Variants in ARMC10 observed in about 807,000 individuals in gnomAD.
ARMC10 encodes the protein armadillo repeat-containing protein 10.
Under a neutral mutation model 30.2 loss-of-function variants are expected in ARMC10, and 23 were observed. The ratio of observed to expected loss-of-function variants is 0.76; its 90% CI spans 0.55 to 1.08. The LOEUF is 1.08. Ranked by LOEUF, ARMC10 falls within the 50% of genes least tolerant of loss-of-function variation. The pLI is 0.00. For missense variants in ARMC10, 303 were observed against 413.7 expected (o/e 0.73, Z 2.32); for synonymous variants, 111 against 164.4 (o/e 0.68, Z 2.48).
intron 5 of ARMC10, 190 bp from the exon 6 acceptor site, chr7:103,097,087 T>C (rs1301464932): frequency 8.3e-6 from 5 of 604,500 alleles, no homozygotes; most frequent in African/African-American, 1.9e-5. Flanking sequence ...CTGCCAAGTG[T>C]TATAAGAGTT....
intron 5 of ARMC10, among the ~76,000 whole-genome samples, chr7:103,094,216 ATAACT>A (rs138234522): frequency 0.054 from 8,149 of 152,274 alleles, 296 homozygotes; most frequent in South Asian, 0.13. Context: ...CCACTGATTG[ATAACT>A]TAATGCAGAT....
intron 2 of ARMC10, among the ~76,000 whole-genome samples, chr7:103,078,560 A>T (rs1432251560): frequency 6.6e-6 from 1 of 152,198 alleles, no homozygotes; most frequent in African/African-American, 2.4e-5. Context: ...TCTTTCCTTT[A>T]TAAATTACCC....
intron 2 of ARMC10, among the ~76,000 whole-genome samples, chr7:103,077,060 A>T (rs1323138878): frequency 6.6e-6 from 1 of 151,942 alleles, no homozygotes; most frequent in Non-Finnish European, 1.5e-5. Context: ...ACACCTGGCT[A>T]ATTTTTCCAA....
chr7:103,095,264 T>C (rs1349591556), intron 5 of ARMC10, among the ~76,000 whole-genome samples: 1 of 152,184 alleles, frequency 6.6e-6, no homozygotes, highest in African/African-American at 2.4e-5. Context: ...TGGCTGATTT[T>C]TGTATTTTTG....
At chr7:103,088,372 G>T (rs1233957365) in intron 4 of ARMC10, among the ~76,000 whole-genome samples, 1 of 152,126 alleles carries the variant, frequency 6.6e-6, no homozygotes, top group Non-Finnish European at 1.5e-5. Context: ...TTAATCAAAG[G>T]TATAGAATTA....
At chr7:103,092,852 T>C (rs980959872) in intron 5 of ARMC10, among the ~76,000 whole-genome samples, 199 bp downstream of exon 5, 3 of 152,226 alleles carry the variant, frequency 2.0e-5, no homozygotes. Flanking sequence ...ATCAACAGAT[T>C]CCTGTTCATT....
rs1799573259 is a variant in ARMC10, at chr7:103,075,182, C to T, written c.-91C>T. On this transcript the variant is annotated 5_prime_UTR_variant, in exon 1 of 7. Coordinates refer to ENST00000323716, the MANE Select transcript of ARMC10 (RefSeq NM_031905.5). ...CCAGGTCAGGTGGCGTTTGCTGTGG[C>T]GGCTAGGCCCGCGTGCGCTGGAGAC... The T allele has an allele frequency of 5.3e-6, 5 of 950,698 alleles. No individual in the cohort carries two copies. The highest frequency in any genetic ancestry group is 5.2e-6 in the Non-Finnish European group (4 of 768,018). 58.9% of individuals were successfully genotyped at this position (950,698 alleles called of 1,614,324 possible). A position where few individuals can be genotyped will look rare whatever the true frequency, so the allele number is the denominator to read the frequency against.
Position 103,097,310 on chromosome 7 carries a change from G to A in ARMC10, c.739G>A (p.Glu247Lys). 1 of 1,613,826 alleles carries A rather than the reference G, an allele frequency of 6.2e-7. No individual in the cohort carries two copies. The highest frequency in any genetic ancestry group is 8.5e-7 in the Non-Finnish European group (1 of 1,179,900). ...QVLKLLLNLS[E>K]NPAMTEGLLR... Reference sequence around the variant, plus strand: ...TTTGAAACTGCTTTTGAATTTGTCTGAAAATCCAGCCATGACAGAAGGACT... The same window carrying A: ...TTTGAAACTGCTTTTGAATTTGTCTAAAAATCCAGCCATGACAGAAGGACT... Residue 247 changes from glutamate to lysine, a missense_variant, in exon 6 of 7, where the codon GAA becomes AAA. Coordinates refer to ENST00000323716, the MANE Select transcript of ARMC10 (RefSeq NM_031905.5).
chr7:103,075,826 C>T lies in ARMC10; in HGVS notation c.189C>T (p.Ala63=). 6.2e-7 allele frequency: 1 copy of T among 1,611,462 alleles called. No homozygotes were observed. The highest frequency in any genetic ancestry group is 8.5e-7 in the Non-Finnish European group (1 of 1,178,950). Residue 63 remains alanine, a synonymous_variant, in exon 2 of 7, where the codon GCC becomes GCT. Transcript: ENST00000323716. The stretch of plus-strand genomic sequence containing the variant: ...AGGGTCAGTTGTGCGGGCGCTCGGC[C>T]CGGCCTCAGACGGGAGGTACCTGGG... ...TSEGQLCGRS[A]RPQTGGTWES... is the part of the protein sequence containing the mutation.
At chr7:103,079,678 ATAT>A (rs1311624640) in intron 2 of ARMC10, among the ~76,000 whole-genome samples, 1 of 152,276 alleles carries the variant, frequency 6.6e-6, no homozygotes, top group African/African-American at 2.4e-5. Flanking sequence ...GTTTAATAAA[ATAT>A]CTTGAGTACA....
chr7:103,090,213 T>A (rs1801193065), intron 4 of ARMC10, among the ~76,000 whole-genome samples: 1 of 152,184 alleles, frequency 6.6e-6, no homozygotes, highest in African/African-American at 2.4e-5. Context: ...TCAGATATAA[T>A]AAGGATGTAA....
In ARMC10 at chr7:103,085,689, C is replaced by T. The variant is rs140080081; in HGVS notation, c.394-941C>T. Among the ~76,000 whole-genome samples, 313 of 150,380 alleles carry T rather than the reference C, an allele frequency of 2.1e-3. 2 individuals carry two copies. Among genetic ancestry groups the T allele is most frequent in the Non-Finnish European group, 1.9e-3 (128 of 67,898 alleles). On this transcript the variant is annotated intron_variant, in intron 3 of 6. Transcript: ENST00000323716. ...CTGGAGTGCAGTGGTGCAGTCTCAACTCACTGTAACCTCCTCCCAGGTTCA... is the reference window on the plus strand; with the variant it reads ...CTGGAGTGCAGTGGTGCAGTCTCAATTCACTGTAACCTCCTCCCAGGTTCA...
Position 103,075,235 on chromosome 7 carries a change from G to T in ARMC10, c.-38G>T, listed in dbSNP as rs1799583984. On this transcript the variant is annotated 5_prime_UTR_variant, in exon 1 of 7. Transcript: ENST00000323716. Reference sequence around the variant, plus strand: ...CCGCGCTGGCCCCCGCGAGCCTCCTGCCCTGGCCCGGCGCTGCGGCTCTGC... The same window carrying T: ...CCGCGCTGGCCCCCGCGAGCCTCCTTCCCTGGCCCGGCGCTGCGGCTCTGC... 7 of 1,156,282 alleles carry T rather than the reference G, an allele frequency of 6.1e-6. No individual in the cohort carries two copies. Among genetic ancestry groups the T allele is most frequent in the South Asian group, 8.5e-5 (2 of 23,656 alleles). The allele number at this position is 1,156,282 out of a possible 1,614,324, so 71.6% of individuals were successfully genotyped here.
chr7:103,095,772 A>G (rs985274574), intron 5 of ARMC10: 5 of 152,192 alleles, frequency 3.3e-5, no homozygotes, highest in Admixed American at 2.6e-4. Flanking sequence ...TGATGAGTTC[A>G]TGTCCTTTGT....
rs1043387320 is a variant in ARMC10, at chr7:103,091,517, C to A, written c.529-960C>A. ...ATATATATATATATATATATACACA[C>A]CTAGGTAAATAAGAACCTTAGGCCA... On this transcript the variant is annotated intron_variant, in intron 4 of 6. Transcript: ENST00000323716. Among the ~76,000 whole-genome samples the A allele has an allele frequency of 8.6e-5, 13 of 151,260 alleles. 1 individual carries two copies. Among genetic ancestry groups the A allele is most frequent in the Non-Finnish European group, 1.3e-4 (9 of 67,958 alleles).
chr7:103,095,093 T>C (rs932166597), intron 5 of ARMC10, among the ~76,000 whole-genome samples: 3 of 151,976 alleles, frequency 2.0e-5, no homozygotes, highest in African/African-American at 7.2e-5. Context: ...AAAAAGAAAA[T>C]ACTAAAACTT....
chr7:103,092,289 C>T (rs1449701728), intron 4 of ARMC10, among the ~76,000 whole-genome samples, 188 bp from the exon 5 acceptor site: 1 of 142,464 alleles, frequency 7.0e-6, no homozygotes, highest in African/African-American at 2.6e-5. Context: ...GCTGAGATTG[C>T]GCCACTGAAC....
chr7:103,075,935 G>C (rs1266198597), intron 2 of ARMC10, 54 bp downstream of exon 2: 9 of 1,310,896 alleles, frequency 6.9e-6, no homozygotes, highest in Non-Finnish European at 3.1e-6. Flanking sequence ...CCCTCCCAGC[G>C]GACAAATGCA....
intron 4 of ARMC10, chr7:103,089,180 C>G: frequency 4.0e-6 from 1 of 251,710 alleles, no homozygotes; most frequent in Non-Finnish European, 8.8e-6. Context: ...CTCCACTAGC[C>G]CCATGAACCA....
Sources: allele counts gnomAD v4.1 joint callset (sites outside exome capture counted in the v4.1 genomes callset), GRCh38; gene constraint gnomAD v4.1.1; transcripts MANE v1.5; gene names NCBI Gene and HGNC (gene_info 2026-07-23, HGNC 2026-07-21).